Variants in PLA2G4E observed in about 807,000 individuals in gnomAD.
PLA2G4E encodes cytosolic phospholipase A2 epsilon.
Under a neutral mutation model 109.1 loss-of-function variants are expected in PLA2G4E, and 84 were observed. The ratio of observed to expected loss-of-function variants is 0.77; its 90% CI spans 0.65 to 0.92. The LOEUF (loss-of-function observed/expected upper bound fraction) is 0.92. Ranked by LOEUF, PLA2G4E falls within the 40% of genes least tolerant of loss-of-function variation. The probability of loss-of-function intolerance (pLI) is 0.00; values close to 1 mark genes in which losing one functional copy is unlikely to be tolerated. For missense variants in PLA2G4E, 1,057 were observed against 1,076.6 expected (o/e 0.98, Z 0.25); for synonymous variants, 469 against 436.1 (o/e 1.08, Z -0.94).
rs372932906 is a variant in PLA2G4E, at chr15:42,001,140, A to T, written c.673+17T>A. 59 of 1,608,522 alleles carry T rather than the reference A, an allele frequency of 3.7e-5. No individual in the cohort carries two copies. Among genetic ancestry groups the T allele is most frequent in the Non-Finnish European group, 4.8e-5 (56 of 1,175,274 alleles). On this transcript the variant is annotated intron_variant, in intron 7 of 19. Transcript: ENST00000399518. ...CCCCCTTGTCCCCCAGTAGGCAGAA[A>T]AGGCAAAACAGCTCACTTTTCTCCC...
At chr15:42,016,241 C>CT (rs1168452228) in intron 1 of PLA2G4E, among the ~76,000 whole-genome samples, 3,041 of 104,664 alleles carry the variant, frequency 0.029, 111 homozygotes, top group East Asian at 0.074. Context: ...TTTATCTTTA[C>CT]TTTTTTTTTT....
At chr15:41,988,202 G>A in intron 15 of PLA2G4E, 46 bp from the exon 16 acceptor site, 1 of 1,400,736 alleles carries the variant, frequency 7.1e-7, no homozygotes, top group African/African-American at 1.4e-5. Flanking sequence ...GCAGCCCCAG[G>A]CCCCACACTG....
chr15:42,001,760 C>T (rs560612801), intron 6 of PLA2G4E, among the ~76,000 whole-genome samples: 1 of 152,324 alleles, frequency 6.6e-6, no homozygotes, highest in Admixed American at 6.5e-5. Context: ...GTCATAATCA[C>T]AGCTCACTGC....
intron 1 of PLA2G4E, among the ~76,000 whole-genome samples, chr15:42,032,925 G>A (rs1173462668): frequency 1.3e-5 from 2 of 152,190 alleles, no homozygotes. Context: ...AGGATCCAGG[G>A]CAGGGGACTC....
intron 1 of PLA2G4E, among the ~76,000 whole-genome samples, chr15:42,014,632 G>A (rs954410677): frequency 6.6e-6 from 1 of 152,166 alleles, no homozygotes; most frequent in Non-Finnish European, 1.5e-5. Context: ...ACCCCCACTG[G>A]TACTTACTTA....
At chr15:42,045,281 C>T (rs998284913) in intron 1 of PLA2G4E, among the ~76,000 whole-genome samples, 1 of 152,090 alleles carries the variant, frequency 6.6e-6, no homozygotes, top group Non-Finnish European at 1.5e-5. Context: ...ACGTGGGTGG[C>T]ACAGAGTAGG....
intron 1 of PLA2G4E, among the ~76,000 whole-genome samples, chr15:42,022,320 T>C (rs2068655882): frequency 6.6e-6 from 1 of 152,188 alleles, no homozygotes; most frequent in Non-Finnish European, 1.5e-5. Context: ...CATCCTTTTT[T>C]AGTGCCAGGG....
At chr15:42,025,764 T>C (rs1222210764) in intron 1 of PLA2G4E, among the ~76,000 whole-genome samples, 1 of 152,168 alleles carries the variant, frequency 6.6e-6, no homozygotes, top group Non-Finnish European at 1.5e-5. Flanking sequence ...AGAGTGGTGG[T>C]GTTTGTCTGA....
At chr15:41,983,972 C>T in exon 20 of PLA2G4E, 6 of 1,603,186 alleles carry the variant, frequency 3.7e-6, no homozygotes, top group Non-Finnish European at 5.1e-6. Context: ...CTTCGCTCTA[C>T]ACCTGTGGGC....
chr15:42,001,184 A>T (rs1279452932), exon 7 of PLA2G4E: 2 of 1,613,596 alleles, frequency 1.2e-6, no homozygotes, highest in East Asian at 2.2e-5. Flanking sequence ...CGCCTCCTGG[A>T]TTGTGCATGA....
At chr15:42,002,139 G>C (rs111745379) in intron 6 of PLA2G4E, among the ~76,000 whole-genome samples, 10 of 152,030 alleles carry the variant, frequency 6.6e-5, no homozygotes, top group Non-Finnish European at 1.5e-4. Flanking sequence ...TTGAAACCCC[G>C]TCTCTACAAA....
intron 15 of PLA2G4E, among the ~76,000 whole-genome samples, 161 bp downstream of exon 15, chr15:41,989,254 A>G (rs1280268584): frequency 2.0e-5 from 3 of 152,156 alleles, no homozygotes; most frequent in African/African-American, 7.2e-5. Flanking sequence ...GGAAATTGGG[A>G]GAGCCCCCAG....
intron 1 of PLA2G4E, among the ~76,000 whole-genome samples, chr15:42,037,439 T>A (rs1203427732): frequency 6.6e-6 from 1 of 152,198 alleles, no homozygotes; most frequent in Non-Finnish European, 1.5e-5. Context: ...TGAACACTAG[T>A]AGGGACGCCC....
chr15:42,029,945 G>A (rs1055933146), intron 1 of PLA2G4E, among the ~76,000 whole-genome samples: 4 of 152,294 alleles, frequency 2.6e-5, no homozygotes, highest in South Asian at 2.1e-4. Context: ...GGACAATCAC[G>A]TCATATATGA....
chr15:42,042,200 C>G (rs2141077438), intron 1 of PLA2G4E, among the ~76,000 whole-genome samples: 1 of 152,266 alleles, frequency 6.6e-6, no homozygotes, highest in East Asian at 1.9e-4. Context: ...AAATTAATCA[C>G]TATTCACTGA....
In PLA2G4E at chr15:41,988,243, C is replaced by T. The variant is rs571022972; in HGVS notation, c.1724-87G>A. On this transcript the variant is annotated intron_variant, in intron 15 of 19. Transcript: ENST00000399518. The stretch of plus-strand genomic sequence containing the variant: ...TGATTCCCCACTCCCCCCACCCCCC[C>T]ACCCCACGCAAGCCAGGCTGCTCCA... 622 of 875,412 alleles carry T rather than the reference C, an allele frequency of 7.1e-4. 3 individuals carry two copies. Among genetic ancestry groups the T allele is most frequent in the Non-Finnish European group, 8.3e-4 (492 of 594,132 alleles). The allele number at this position is 875,412 out of a possible 1,614,324, so 54.2% of individuals were successfully genotyped here.
At chr15:41,989,331 G>C (rs2068201058) in intron 15 of PLA2G4E, 84 bp downstream of exon 15, 1 of 1,552,620 alleles carries the variant, frequency 6.4e-7, no homozygotes, top group Non-Finnish European at 8.8e-7. Flanking sequence ...AGTGCCCCGA[G>C]TGTCACATAA....
chr15:42,038,302 G>T (rs1241798578), intron 1 of PLA2G4E, among the ~76,000 whole-genome samples: 3 of 152,124 alleles, frequency 2.0e-5, no homozygotes, highest in African/African-American at 7.2e-5. Context: ...GATGATTCAA[G>T]TGCTTTACAT....
intron 1 of PLA2G4E, among the ~76,000 whole-genome samples, chr15:42,039,258 C>G (rs993690265): frequency 6.6e-6 from 1 of 152,182 alleles, no homozygotes; most frequent in Non-Finnish European, 1.5e-5. Context: ...CAAATGCTAT[C>G]TGCTCAAAAA....
Sources: allele counts gnomAD v4.1 joint callset (sites outside exome capture counted in the v4.1 genomes callset), GRCh38; gene constraint gnomAD v4.1.1; transcripts MANE v1.5; gene names NCBI Gene and HGNC (gene_info 2026-07-23, HGNC 2026-07-21).